CDH23: variants seen among roughly 807,000 people sequenced by gnomAD.
CDH23 encodes cadherin related 23.
In CDH23, 189 loss-of-function variants were observed where a neutral mutation model predicts 317.1. The observed-to-expected ratio is 0.60, with a 90% CI of 0.53 to 0.67. CDH23 has a LOEUF of 0.67. Among genes scored for constraint, CDH23 ranks in the 30% least tolerant of loss-of-function variants. The probability of loss-of-function intolerance (pLI) is 0.00; values close to 1 mark genes in which losing one functional copy is unlikely to be tolerated. For missense variants in CDH23, 4,401 were observed against 4,592.4 expected, an observed-to-expected ratio of 0.96 and a Z score of 1.20; for synonymous variants, 1,839 against 1,876.8, an observed-to-expected ratio of 0.98 and a Z score of 0.52.
At chr10:71,519,445 G>A (rs1294702761) in intron 6 of CDH23, among the ~76,000 whole-genome samples, 1 of 152,274 alleles carries the variant, frequency 6.6e-6, no homozygotes, top group Non-Finnish European at 1.5e-5. Context: ...CCTCCAGGCA[G>A]TGGGGCACCC....
At chr10:71,658,081 G>T (rs1863492510) in intron 14 of CDH23, among the ~76,000 whole-genome samples, 1 of 152,236 alleles carries the variant, frequency 6.6e-6, no homozygotes, top group Admixed American at 6.5e-5. Flanking sequence ...CTCCCTCAGA[G>T]GGGCTGGGGT....
intron 8 of CDH23, among the ~76,000 whole-genome samples, chr10:71,571,845 C>T (rs547975552): frequency 1.3e-3 from 196 of 152,358 alleles, no homozygotes; most frequent in African/African-American, 4.7e-3. Context: ...CCGCCTAAGG[C>T]TCGTGAGCGT....
chr10:71,596,782 G>A (rs1013414204), intron 9 of CDH23, among the ~76,000 whole-genome samples: 20 of 152,166 alleles, frequency 1.3e-4, no homozygotes, highest in African/African-American at 2.9e-4. Flanking sequence ...TGGACTTGCC[G>A]TGTTGGGCAG....
chr10:71,439,725 G>T, intron 1 of CDH23, 102 bp from the exon 2 acceptor site: 1 of 802,252 alleles, frequency 1.2e-6, no homozygotes. Context: ...TCCCTTCCCA[G>T]CCCCAGTTCT....
chr10:71,420,428 A>ATGGTAATGGTGATGG (rs1848710507), intron 1 of CDH23, among the ~76,000 whole-genome samples: 1 of 21,466 alleles, frequency 4.7e-5, no homozygotes, highest in Non-Finnish European at 1.1e-4. Context: ...GATGGTGATG[A>ATGGTAATGGTGATGG]TGATGATGAT....
At chr10:71,609,158 AG>A (rs1860707407) in intron 9 of CDH23, among the ~76,000 whole-genome samples, 1 of 151,896 alleles carries the variant, frequency 6.6e-6, no homozygotes, top group Non-Finnish European at 1.5e-5. Flanking sequence ...GTAGCCTTCC[AG>A]CCTGGAGGAA....
intron 69 of CDH23, among the ~76,000 whole-genome samples, chr10:71,814,617 C>T (rs562535678): frequency 2.6e-5 from 4 of 152,038 alleles, no homozygotes; most frequent in Admixed American, 2.6e-4. Flanking sequence ...CAAAATCGCG[C>T]CACTGCGAGA....
chr10:71,562,209 G>A (rs908314298), intron 6 of CDH23, among the ~76,000 whole-genome samples: 2 of 151,544 alleles, frequency 1.3e-5, no homozygotes, highest in African/African-American at 2.4e-5. Flanking sequence ...AGATGGCAAA[G>A]TCTGGCCCTG....
At chr10:71,775,707 G>T (rs539931710) in intron 38 of CDH23, among the ~76,000 whole-genome samples, 2 of 152,156 alleles carry the variant, frequency 1.3e-5, no homozygotes, top group South Asian at 4.1e-4. Context: ...GGGGCTCCAA[G>T]GCCCAACTCT....
At chr10:71,715,988 C>T (rs765946262) in intron 28 of CDH23, 1 of 1,493,846 alleles carries the variant, frequency 6.7e-7, no homozygotes, top group South Asian at 1.3e-5. Context: ...GTCCTCGGGG[C>T]CCGGCAGGGG....
chr10:71,741,692 A>G lies in CDH23; in HGVS notation c.4618-2A>G. On this transcript the variant is annotated splice_acceptor_variant, in intron 37 of 69. Transcript: ENST00000224721. LOFTEE classifies it high-confidence loss of function. Reference sequence around the variant, plus strand: ...ATGACTGCTCTCCTGCTCTCCTCCCAGAACGTGGGTGGAGGTACTGCTGTG... The same window carrying G: ...ATGACTGCTCTCCTGCTCTCCTCCCGGAACGTGGGTGGAGGTACTGCTGTG... The G allele has an allele frequency of 6.2e-7, 1 of 1,604,950 alleles. No individual in the cohort carries two copies. Among genetic ancestry groups the G allele is most frequent in the Non-Finnish European group, 8.5e-7 (1 of 1,175,434 alleles).
chr10:71,601,164 C>T (rs1860193682), intron 9 of CDH23, among the ~76,000 whole-genome samples: 2 of 152,212 alleles, frequency 1.3e-5, no homozygotes, highest in African/African-American at 4.8e-5. Flanking sequence ...TGCATCCTTT[C>T]TGGTGGAGCC....
chr10:71,753,015 A>T, intron 38 of CDH23: 1 of 1,612,270 alleles, frequency 6.2e-7, no homozygotes, highest in Non-Finnish European at 8.5e-7. Context: ...AGGGACAGAC[A>T]GACAGAGAAG....
At chr10:71,501,434 A>G (rs1250267978) in intron 3 of CDH23, among the ~76,000 whole-genome samples, 1 of 152,130 alleles carries the variant, frequency 6.6e-6, no homozygotes, top group Non-Finnish European at 1.5e-5. Flanking sequence ...ACCCAGGTCA[A>G]GGGTTTTCTG....
At chr10:71,634,391 A>T (rs954202620) in intron 11 of CDH23, among the ~76,000 whole-genome samples, 15 of 152,184 alleles carry the variant, frequency 9.9e-5, no homozygotes, top group Non-Finnish European at 2.1e-4. Flanking sequence ...CCCTGCCCCA[A>T]CCCCAGCCAA....
At chr10:71,542,767 G>A (rs1037862846) in intron 6 of CDH23, among the ~76,000 whole-genome samples, 8 of 152,328 alleles carry the variant, frequency 5.3e-5, no homozygotes, top group African/African-American at 1.7e-4. Context: ...AAACTGACCC[G>A]CCCAGCCAGC....
chr10:71,790,061 C>G (rs1159520358), intron 45 of CDH23, among the ~76,000 whole-genome samples: 2 of 152,196 alleles, frequency 1.3e-5, no homozygotes, highest in Non-Finnish European at 2.9e-5. Flanking sequence ...CCTTGCTCAC[C>G]ACTCTCATGT....
In CDH23 at chr10:71,709,071, C is replaced by T. The variant is rs767192037; in HGVS notation, c.3107-27C>T. ...CTGGCCGGGAGCTCTGTTTCCCAGC[C>T]GGAAGCTTCCTCTCCTTCACCCACA... On this transcript the variant is annotated intron_variant, in intron 26 of 69. Transcript: ENST00000224721. 1.8e-5 allele frequency: 29 copies of T among 1,606,060 alleles called. 1 individual carries two copies. Among genetic ancestry groups the T allele is most frequent in the South Asian group, 1.3e-4 (12 of 90,858 alleles).
chr10:71,450,532 T>A (rs1289970607), intron 3 of CDH23, among the ~76,000 whole-genome samples: 3 of 152,162 alleles, frequency 2.0e-5, no homozygotes, highest in Non-Finnish European at 4.4e-5. Flanking sequence ...CCTCCCAAAG[T>A]GCTAGGATTA....
Sources: gnomAD v4.1 joint callset for allele counts (sites outside exome capture counted in the v4.1 genomes callset) on GRCh38, gnomAD v4.1.1 for gene constraint, MANE v1.5 for transcripts, NCBI Gene and HGNC (gene_info 2026-07-23, HGNC 2026-07-21) for gene names.